Variants in BRD9 observed in about 807,000 individuals in gnomAD.
The protein encoded by BRD9 is bromodomain containing 9, also known as bromodomain-containing protein 9.
BRD9 carries 47 observed loss-of-function variants against 68.7 expected under a neutral mutation model. The ratio of observed to expected loss-of-function variants is 0.68; its 90% CI spans 0.54 to 0.87. BRD9 has a LOEUF of 0.87. Among genes scored for constraint, BRD9 ranks in the 40% least tolerant of loss-of-function variants. The probability of loss-of-function intolerance (pLI) is 0.00; values close to 1 mark genes in which losing one functional copy is unlikely to be tolerated. For missense variants in BRD9, 670 were observed against 748.4 expected (o/e 0.90, Z 1.22); for synonymous variants, 313 against 293.9 (o/e 1.06, Z -0.67).
intron 14 of BRD9, chr5:868,805 C>T (rs1749722184): frequency 6.5e-6 from 1 of 153,416 alleles, no homozygotes; most frequent in African/African-American, 2.4e-5. Context: ...CACCCTTCCC[C>T]TATAATAAAT....
At chr5:881,209 T>C (rs757991902) in intron 8 of BRD9, 27 bp from the exon 9 acceptor site, 5 of 1,608,224 alleles carry the variant, frequency 3.1e-6, no homozygotes, top group South Asian at 1.1e-5. Context: ...CCTGAGCGTC[T>C]GTCCCTCAGG....
intron 12 of BRD9, among the ~76,000 whole-genome samples, chr5:874,227 A>T (rs1750573675): frequency 6.6e-6 from 1 of 152,152 alleles, no homozygotes; most frequent in Non-Finnish European, 1.5e-5. Flanking sequence ...CCTCCTGTGG[A>T]GCTGATGACA....
At chr5:876,339 G>A in intron 11 of BRD9, 127 bp from the exon 12 acceptor site, 1 of 638,460 alleles carries the variant, frequency 1.6e-6, no homozygotes, top group African/African-American at 1.8e-5. Flanking sequence ...CCCAGAGCGG[G>A]TATTTTGTGG....
intron 14 of BRD9, among the ~76,000 whole-genome samples, chr5:867,451 C>G (rs1461523947): frequency 1.3e-5 from 2 of 152,228 alleles, no homozygotes; most frequent in Non-Finnish European, 2.9e-5. Flanking sequence ...AATGGTAGAT[C>G]CGACAGCTTG....
At chr5:892,454 C>G in intron 1 of BRD9, 152 bp downstream of exon 1, 1 of 1,413,130 alleles carries the variant, frequency 7.1e-7, no homozygotes, top group East Asian at 3.0e-5. Context: ...GTTCCCTGCC[C>G]GAAATCCCAG....
Position 864,217 on chromosome 5 carries a change from C to T in BRD9, c.*251G>A, listed in dbSNP as rs957960155. 1 of 313,454 alleles carries T rather than the reference C, an allele frequency of 3.2e-6. No individual in the cohort carries two copies. Among genetic ancestry groups the T allele is most frequent in the Non-Finnish European group, 5.9e-6 (1 of 170,638 alleles). The allele number at this position is 313,454 out of a possible 1,614,324, so 19.4% of individuals were successfully genotyped here. ...GTATGACTCCACTCCTCAGGGTTCA[C>T]GGGGCTGTGTACAGAGACTCTCTCT... is the stretch of plus-strand genomic sequence containing the variant. On this transcript the variant is annotated 3_prime_UTR_variant, in exon 16 of 16. Coordinates refer to ENST00000467963, the MANE Select transcript of BRD9 (RefSeq NM_023924.5).
chr5:886,016 C>T (rs916403247), intron 7 of BRD9, among the ~76,000 whole-genome samples: 7 of 152,222 alleles, frequency 4.6e-5, no homozygotes, highest in Non-Finnish European at 8.8e-5. Flanking sequence ...CCAGCCAAGT[C>T]GGCTGCTCCC....
intron 14 of BRD9, among the ~76,000 whole-genome samples, chr5:867,892 A>G (rs1749585587): frequency 6.6e-6 from 1 of 152,234 alleles, no homozygotes. Flanking sequence ...ACTGTTAGGA[A>G]GGCATGATTG....
intron 3 of BRD9, chr5:889,862 T>C (rs1012388550): frequency 3.1e-6 from 3 of 974,364 alleles, no homozygotes; most frequent in Non-Finnish European, 4.4e-6. Flanking sequence ...TAAAAATCTC[T>C]TGTAATAACC....
In BRD9 at chr5:883,965, C is replaced by T; in HGVS notation, c.939G>A (p.Arg313=). Residue 313 remains arginine (R), a synonymous_variant, in exon 8 of 16, where the codon AGG becomes AGA. Coordinates refer to ENST00000467963, the MANE Select transcript of BRD9 (RefSeq NM_023924.5). ...VEHAADEARD[R]INRFLPGGKM... Reference sequence around the variant, plus strand: ...TGCCGCCTGGGAGGAACCGGTTGATCCTGTCCCGAGCTTCGTCAGCTGCGT... The same window carrying T: ...TGCCGCCTGGGAGGAACCGGTTGATTCTGTCCCGAGCTTCGTCAGCTGCGT... 1 of 1,613,188 alleles carries T rather than the reference C, an allele frequency of 6.2e-7. No individual in the cohort carries two copies. Among genetic ancestry groups the T allele is most frequent in the Non-Finnish European group, 8.5e-7 (1 of 1,180,016 alleles).
intron 7 of BRD9, among the ~76,000 whole-genome samples, chr5:885,667 T>A (rs148448858): frequency 5.8e-4 from 89 of 152,336 alleles, no homozygotes; most frequent in African/African-American, 2.1e-3. Context: ...CGAGCCACAG[T>A]GCTGTCAGAC....
chr5:885,977 G>A (rs1752495144), intron 7 of BRD9, among the ~76,000 whole-genome samples: 1 of 152,178 alleles, frequency 6.6e-6, no homozygotes, highest in African/African-American at 2.4e-5. Context: ...CTGGGGTTTA[G>A]AAAAAAAGGA....
intron 2 of BRD9, 59 bp from the exon 3 acceptor site, chr5:891,346 T>C: frequency 6.6e-7 from 1 of 1,524,918 alleles, no homozygotes; most frequent in Non-Finnish European, 8.8e-7. Flanking sequence ...CGGACAGGTC[T>C]GCCCAATCCC....
intron 11 of BRD9, 65 bp downstream of exon 11, chr5:878,290 C>T (rs183458113): frequency 5.1e-6 from 8 of 1,565,942 alleles, no homozygotes; most frequent in East Asian, 4.5e-5. Flanking sequence ...TGGGACTCCA[C>T]GTCCCACACC....
chr5:883,836 C>G (rs1027077787), intron 8 of BRD9, 102 bp downstream of exon 8: 1 of 1,495,400 alleles, frequency 6.7e-7, no homozygotes, highest in African/African-American at 1.4e-5. Flanking sequence ...ACCTCTGGAT[C>G]CCGGTGGCTG....
intron 12 of BRD9, 97 bp from the exon 13 acceptor site, chr5:871,661 C>T (rs1579919293): frequency 5.1e-6 from 6 of 1,171,080 alleles, no homozygotes; most frequent in South Asian, 4.9e-5. Flanking sequence ...ATGGCTTGTG[C>T]GCTTCTGCGA....
intron 12 of BRD9, among the ~76,000 whole-genome samples, chr5:874,715 C>T (rs1454810454): frequency 2.0e-5 from 3 of 152,208 alleles, no homozygotes; most frequent in Non-Finnish European, 4.4e-5. Flanking sequence ...TACACAAAAG[C>T]AGCAAATGGA....
intron 9 of BRD9, 109 bp downstream of exon 9, chr5:880,998 C>T (rs2150598013): frequency 8.7e-7 from 1 of 1,148,500 alleles, no homozygotes; most frequent in Non-Finnish European, 1.3e-6. Context: ...GCCGGGCAGC[C>T]TCTCATGCTG....
chr5:892,382 T>C (rs1753577148), intron 1 of BRD9: 11 of 1,099,192 alleles, frequency 1.0e-5, no homozygotes, highest in Non-Finnish European at 1.4e-5. Context: ...GCTTGCAGCC[T>C]CGAACCCAGA....
Sources: gnomAD v4.1 joint callset for allele counts (sites outside exome capture counted in the v4.1 genomes callset) on GRCh38, gnomAD v4.1.1 for gene constraint, MANE v1.5 for transcripts, NCBI Gene and HGNC (gene_info 2026-07-23, HGNC 2026-07-21) for gene names.